Variants in P4HA2 observed in about 807,000 individuals in gnomAD.
The protein encoded by P4HA2 is prolyl 4-hydroxylase subunit alpha 2.
Under a neutral mutation model 76.9 loss-of-function variants are expected in P4HA2, and 46 were observed. That is an observed-to-expected ratio of 0.60 (90% CI 0.47 to 0.76). The LOEUF (loss-of-function observed/expected upper bound fraction) is 0.76. Ranked by LOEUF, P4HA2 falls within the 30% of genes least tolerant of loss-of-function variation. The pLI is 0.00. For missense variants in P4HA2, 583 were observed against 669.4 expected (o/e 0.87, Z 1.42); for synonymous variants, 243 against 254.0 (o/e 0.96, Z 0.41).
At chr5:132,200,962 T>C (rs981919274) in intron 10 of P4HA2, 2 of 152,238 alleles carry the variant, frequency 1.3e-5, no homozygotes, top group African/African-American at 4.8e-5. Flanking sequence ...ACAAAATGCA[T>C]AGGACCATCT....
intron 5 of P4HA2, among the ~76,000 whole-genome samples, chr5:132,210,972 T>C (rs1174719704): frequency 6.6e-6 from 1 of 152,102 alleles, no homozygotes; most frequent in Non-Finnish European, 1.5e-5. Context: ...TTGCAGGAAC[T>C]CTGAGGAAAG....
chr5:132,217,293 A>G lies in P4HA2; in HGVS notation c.235T>C (p.Tyr79His). The G allele has an allele frequency of 1.2e-6, 2 of 1,614,164 alleles. No homozygotes were observed. The highest frequency in any genetic ancestry group is 2.2e-5 in the East Asian group (1 of 44,886). Residue 79 changes from tyrosine to histidine, a missense_variant, in exon 4 of 15, where the codon TAC becomes CAC. Transcript: ENST00000360568. ...TSKSAADAEG[Y>H]LAHPVNAYKL... Reference sequence around the variant, plus strand: ...TAGGCATTCACAGGGTGAGCCAGGTAGCCCTCAGCATCAGCAGCTGACTTG... The same window carrying G: ...TAGGCATTCACAGGGTGAGCCAGGTGGCCCTCAGCATCAGCAGCTGACTTG...
At chr5:132,207,602 G>A in intron 8 of P4HA2, 106 bp downstream of exon 8, 2 of 881,150 alleles carry the variant, frequency 2.3e-6, no homozygotes, top group Non-Finnish European at 3.7e-6. Context: ...TGCTAGATAT[G>A]GATAAAGGGT....
chr5:132,192,607 C>T lies in P4HA2; in HGVS notation c.*403G>A, dbSNP rs1357630934. On this transcript the variant is annotated 3_prime_UTR_variant, in exon 15 of 15. Coordinates refer to ENST00000360568, the MANE Select transcript of P4HA2 (RefSeq NM_001017974.2). The stretch of plus-strand genomic sequence containing the variant: ...AGTCTTAAAAATACTCCAAGTAAGG[C>T]TCTTTAAGGCTTCTGGTAGGGACAT... The T allele has an allele frequency of 6.3e-6, 1 of 158,650 alleles. No homozygotes were observed. The highest frequency in any genetic ancestry group is 1.4e-5 in the Non-Finnish European group (1 of 72,052). The allele number at this position is 158,650 out of a possible 1,614,324, so 9.8% of individuals were successfully genotyped here. A position where few individuals can be genotyped will look rare whatever the true frequency, so the allele number is the denominator to read the frequency against.
intron 9 of P4HA2, 104 bp from the exon 10 acceptor site, chr5:132,203,951 A>T: frequency 1.8e-6 from 2 of 1,138,062 alleles, no homozygotes; most frequent in South Asian, 2.5e-5. Flanking sequence ...CAGGCAGTAC[A>T]GGATGCCTGC....
chr5:132,226,334 T>C lies in P4HA2; in HGVS notation c.-19+1456A>G, dbSNP rs557936747. ...CCAGCCCTTGCTCCTAGGACAGGAT[T>C]TCCTACAAGAGGGCTGGGGCTGTGA... On this transcript the variant is annotated intron_variant, in intron 1 of 14. Coordinates refer to ENST00000360568, the MANE Select transcript of P4HA2 (RefSeq NM_001017974.2). Among the ~76,000 whole-genome samples, 29 of 152,270 alleles carry C rather than the reference T, an allele frequency of 1.9e-4. No individual in the cohort carries two copies. In the East Asian group the frequency reaches 5.4e-3, roughly 28 times the overall value.
rs1293933750 is a variant in P4HA2 at position 132,191,318 on chromosome 5, C to T, written c.*1692G>A. On this transcript the variant is annotated 3_prime_UTR_variant, in exon 15 of 15. Transcript: ENST00000360568. ...ACGAGGTCAGGAGATCGAGACCATC[C>T]CGGCTAAAACGGTGAAACCCCGTCT... 1.3e-5 allele frequency among the ~76,000 whole-genome samples: 2 copies of T among 151,782 alleles called. No homozygotes were observed. The highest frequency in any genetic ancestry group is 2.9e-5 in the Non-Finnish European group (2 of 67,940).
chr5:132,198,983 AG>A (rs761314505), intron 10 of P4HA2, 51 bp from the exon 11 acceptor site: 11 of 1,241,892 alleles, frequency 8.9e-6, no homozygotes, highest in Non-Finnish European at 1.3e-5. Flanking sequence ...ACAGCTCTGT[AG>A]CAGCCAATCA....
intron 13 of P4HA2, 174 bp from the exon 14 acceptor site, chr5:132,195,196 T>G (rs1750452837): frequency 3.1e-6 from 2 of 636,976 alleles, no homozygotes; most frequent in Admixed American, 5.2e-5. Context: ...CACCTACCTT[T>G]CTGAGGTAGA....
At chr5:132,216,795 T>C (rs2048473) in intron 4 of P4HA2, among the ~76,000 whole-genome samples, 2,174 of 152,260 alleles carry the variant, frequency 0.014, 54 homozygotes, top group African/African-American at 0.049. Context: ...ATTTTTTAAA[T>C]GTATATGCAT....
chr5:132,203,597 C>A, intron 10 of P4HA2, 151 bp downstream of exon 10: 1 of 615,090 alleles, frequency 1.6e-6, no homozygotes. Context: ...ATGATTAATT[C>A]TGGTTTCCTA....
chr5:132,204,896 C>T (rs187681492), intron 8 of P4HA2, among the ~76,000 whole-genome samples: 284 of 152,378 alleles, frequency 1.9e-3, no homozygotes, highest in African/African-American at 6.0e-3. Flanking sequence ...TTAGTGAAAC[C>T]CCAAGGGGGA....
intron 14 of P4HA2, among the ~76,000 whole-genome samples, chr5:132,194,709 C>T (rs906794173): frequency 6.6e-6 from 1 of 152,218 alleles, no homozygotes; most frequent in African/African-American, 2.4e-5. Context: ...TCTTCAGCTT[C>T]CTGTGTATCT....
At chr5:132,195,366 G>GT in intron 13 of P4HA2, 46 bp downstream of exon 13, 1 of 1,383,642 alleles carries the variant, frequency 7.2e-7, no homozygotes, top group Non-Finnish European at 1.0e-6. Flanking sequence ...ACAAAGTAAA[G>GT]TCTGAGCCTT....
intron 1 of P4HA2, among the ~76,000 whole-genome samples, chr5:132,224,076 T>C (rs1755019823): frequency 1.3e-5 from 2 of 152,170 alleles, no homozygotes; most frequent in African/African-American, 4.8e-5. Flanking sequence ...GAACGCAACA[T>C]GGACCCAGAA....
Position 132,195,608 on chromosome 5 carries a change from T to C in P4HA2, c.1366-128A>G. The C allele has an allele frequency of 4.2e-6, 3 of 715,876 alleles. 1 individual carries two copies. Among genetic ancestry groups the C allele is most frequent in the Non-Finnish European group, 5.0e-6 (2 of 400,640 alleles). The allele number at this position is 715,876 out of a possible 1,614,324, so 44.3% of individuals were successfully genotyped here. A position where few individuals can be genotyped will look rare whatever the true frequency, so the allele number is the denominator to read the frequency against. On this transcript the variant is annotated intron_variant, in intron 12 of 14. Coordinates refer to ENST00000360568, the MANE Select transcript of P4HA2 (RefSeq NM_001017974.2). ...ATGAGTGACACTACTTGGTGTCTGCTCCATGGCCAGCCCTTTAGCCAAGAA... is the reference window on the plus strand; with the variant it reads ...ATGAGTGACACTACTTGGTGTCTGCCCCATGGCCAGCCCTTTAGCCAAGAA...
intron 8 of P4HA2, among the ~76,000 whole-genome samples, chr5:132,205,893 A>G (rs1363161096): frequency 6.6e-6 from 1 of 152,136 alleles, no homozygotes; most frequent in African/African-American, 2.4e-5. Flanking sequence ...GCCCCAGGGG[A>G]AGCACAGGGC....
chr5:132,214,151 T>G, intron 4 of P4HA2, 98 bp from the exon 5 acceptor site: 1 of 1,255,930 alleles, frequency 8.0e-7, no homozygotes, highest in Non-Finnish European at 1.1e-6. Context: ...CTCTGGCTAG[T>G]GAAATTTCCC....
At chr5:132,207,342 T>C (rs1056063390) in intron 8 of P4HA2, among the ~76,000 whole-genome samples, 1 of 152,134 alleles carries the variant, frequency 6.6e-6, no homozygotes, top group Non-Finnish European at 1.5e-5. Context: ...TCATTTACAG[T>C]CCTAATCAGG....
Sources: gnomAD v4.1 joint callset for allele counts (sites outside exome capture counted in the v4.1 genomes callset) on GRCh38, gnomAD v4.1.1 for gene constraint, MANE v1.5 for transcripts, NCBI Gene and HGNC (gene_info 2026-07-23, HGNC 2026-07-21) for gene names.